Variants in SEMA3A observed in about 807,000 individuals in gnomAD.
SEMA3A encodes semaphorin 3A.
Under a neutral mutation model 97.9 loss-of-function variants are expected in SEMA3A, and 29 were observed. The observed-to-expected ratio is 0.30, with a 90% CI of 0.22 to 0.40. The LOEUF (loss-of-function observed/expected upper bound fraction) is 0.40. Ranked by LOEUF, SEMA3A falls within the 10% of genes least tolerant of loss-of-function variation. The probability of loss-of-function intolerance (pLI) is 1.00; values close to 1 mark genes in which losing one functional copy is unlikely to be tolerated. For missense variants in SEMA3A, 763 were observed against 951.3 expected, an observed-to-expected ratio of 0.80 and a Z score of 2.60; for synonymous variants, 321 against 323.7, an observed-to-expected ratio of 0.99 and a Z score of 0.09.
chr7:84,129,202 A>G lies in SEMA3A; in HGVS notation c.271-17T>C. The G allele has an allele frequency of 6.2e-7, 1 of 1,604,886 alleles. No homozygotes were observed. The highest frequency in any genetic ancestry group is 8.5e-7 in the Non-Finnish European group (1 of 1,171,832). Reference sequence around the variant, plus strand: ...CCACACAATCTAAGGACAGAGAATAAACATTGTTTTATGTCAACTAAGTTG... The same window carrying G: ...CCACACAATCTAAGGACAGAGAATAGACATTGTTTTATGTCAACTAAGTTG... On this transcript the variant is annotated splice_polypyrimidine_tract_variant and intron_variant, in intron 2 of 16. Transcript: ENST00000265362.
intron 6 of SEMA3A, among the ~76,000 whole-genome samples, chr7:84,024,222 C>T (rs1260077391): frequency 6.6e-6 from 1 of 151,900 alleles, no homozygotes; most frequent in Admixed American, 6.5e-5. Flanking sequence ...AGGCTTCTCC[C>T]AGTCACTAGA....
chr7:84,429,551 G>GTATATATATATATATAT (rs1562945161), intron 1 of SEMA3A, among the ~76,000 whole-genome samples: 3 of 52,614 alleles, frequency 5.7e-5, no homozygotes, highest in Admixed American at 2.6e-4. Context: ...TATATATAGC[G>GTATATATATATATATAT]AGAGAGAGAG....
intron 1 of SEMA3A, among the ~76,000 whole-genome samples, chr7:84,151,465 C>T (rs1395247768): frequency 2.6e-5 from 4 of 151,582 alleles, no homozygotes; most frequent in South Asian, 2.1e-4. Flanking sequence ...GGAGCCGATG[C>T]GATCAACTGG....
intron 3 of SEMA3A, among the ~76,000 whole-genome samples, chr7:84,283,878 AT>A (rs971032925): frequency 2.6e-5 from 4 of 152,066 alleles, no homozygotes; most frequent in Non-Finnish European, 5.9e-5. Flanking sequence ...CATACCTTGC[AT>A]TTTTTAGGAA....
rs78687707 is a variant in SEMA3A at position 84,006,994 on chromosome 7, C to T, written c.1140+359G>A. Reference sequence around the variant, plus strand: ...GAAATATCAAATATTTATGTAAAAACCTGGAAGACACAATAAAATGTATTT... The same window carrying T: ...GAAATATCAAATATTTATGTAAAAATCTGGAAGACACAATAAAATGTATTT... On this transcript the variant is annotated intron_variant, in intron 10 of 16. Coordinates refer to ENST00000265362, the MANE Select transcript of SEMA3A (RefSeq NM_006080.3). Among the ~76,000 whole-genome samples, 1,470 of 151,874 alleles carry T rather than the reference C, an allele frequency of 9.7e-3. 22 individuals carry two copies. Among genetic ancestry groups the T allele is most frequent in the African/African-American group, 0.034 (1,397 of 41,424 alleles).
intron 11 of SEMA3A, among the ~76,000 whole-genome samples, chr7:84,002,360 T>G (rs1935396845): frequency 6.6e-6 from 1 of 152,180 alleles, no homozygotes; most frequent in Admixed American, 6.6e-5. Flanking sequence ...ATTACAGAGA[T>G]TGCCTGGATT....
chr7:84,416,817 A>G (rs1005090969), intron 1 of SEMA3A, among the ~76,000 whole-genome samples: 1 of 152,142 alleles, frequency 6.6e-6, no homozygotes, highest in Admixed American at 6.6e-5. Flanking sequence ...TTGGACAGAT[A>G]TGATTTACAG....
At chr7:84,213,024 C>T (rs750637237) in intron 3 of SEMA3A, among the ~76,000 whole-genome samples, 3 of 152,076 alleles carry the variant, frequency 2.0e-5, no homozygotes, top group Non-Finnish European at 4.4e-5. Flanking sequence ...AGTGCAATGG[C>T]TCTATCTTGG....
At chr7:84,262,375 C>A (rs1449205110) in intron 3 of SEMA3A, among the ~76,000 whole-genome samples, 1 of 151,968 alleles carries the variant, frequency 6.6e-6, no homozygotes, top group Non-Finnish European at 1.5e-5. Context: ...CCACCATGCC[C>A]AGCTGATTTT....
chr7:84,056,325 C>A (rs1483820590), intron 5 of SEMA3A, among the ~76,000 whole-genome samples: 1 of 152,084 alleles, frequency 6.6e-6, no homozygotes, highest in East Asian at 1.9e-4. Context: ...GCTCAAAACT[C>A]AAAATGAAGT....
At chr7:84,226,257 G>T (rs1325270101) in intron 3 of SEMA3A, among the ~76,000 whole-genome samples, 2 of 151,984 alleles carry the variant, frequency 1.3e-5, no homozygotes, top group African/African-American at 4.8e-5. Context: ...GTTGGGAACA[G>T]AAAAGGTGTC....
At chr7:83,988,007 T>A (rs546316243) in intron 12 of SEMA3A, among the ~76,000 whole-genome samples, 1 of 152,208 alleles carries the variant, frequency 6.6e-6, no homozygotes, top group Non-Finnish European at 1.5e-5. Flanking sequence ...CCATAACTAT[T>A]ATTAGACTTT....
chr7:84,231,162 C>T (rs573172348), intron 3 of SEMA3A, among the ~76,000 whole-genome samples: 1 of 152,122 alleles, frequency 6.6e-6, no homozygotes, highest in Non-Finnish European at 1.5e-5. Context: ...TTTGTCTGCA[C>T]ATATCTCACT....
intron 2 of SEMA3A, among the ~76,000 whole-genome samples, chr7:84,366,869 T>G (rs1802859612): frequency 6.6e-6 from 1 of 151,396 alleles, no homozygotes; most frequent in African/African-American, 2.4e-5. Flanking sequence ...AGCTACTTGG[T>G]TATGCAGGAT....
chr7:84,123,786 TTA>T (rs922084349), intron 3 of SEMA3A, among the ~76,000 whole-genome samples: 2 of 148,658 alleles, frequency 1.3e-5, no homozygotes, highest in African/African-American at 2.5e-5. Context: ...TCTGATAACC[TTA>T]TATATATATA....
chr7:84,276,259 T>C (rs1800292474), intron 3 of SEMA3A, among the ~76,000 whole-genome samples: 1 of 152,094 alleles, frequency 6.6e-6, no homozygotes, highest in African/African-American at 2.4e-5. Context: ...CAAAGTCTCA[T>C]TGAACATACG....
At chr7:84,049,899 G>A (rs1269575354) in intron 5 of SEMA3A, among the ~76,000 whole-genome samples, 2 of 127,248 alleles carry the variant, frequency 1.6e-5, no homozygotes, top group African/African-American at 6.1e-5. Flanking sequence ...AGAGTGTGAT[G>A]TTCCCCTTCA....
At chr7:84,091,216 AG>A (rs1360554666) in intron 4 of SEMA3A, among the ~76,000 whole-genome samples, 1 of 79,374 alleles carries the variant, frequency 1.3e-5, no homozygotes, top group Non-Finnish European at 2.7e-5. Context: ...AAGAAAGAAA[AG>A]AAAAGAAAGA....
intron 1 of SEMA3A, among the ~76,000 whole-genome samples, chr7:84,182,673 G>A (rs1419552065): frequency 1.3e-5 from 2 of 152,004 alleles, no homozygotes; most frequent in Non-Finnish European, 2.9e-5. Flanking sequence ...AAATTACCTT[G>A]AATTTATGCT....
Sources: gnomAD v4.1 joint callset for allele counts (sites outside exome capture counted in the v4.1 genomes callset) on GRCh38, gnomAD v4.1.1 for gene constraint, MANE v1.5 for transcripts, NCBI Gene and HGNC (gene_info 2026-07-23, HGNC 2026-07-21) for gene names.